FBXL18: variants seen among roughly 807,000 people sequenced by gnomAD.
FBXL18 encodes the protein F-box/LRR-repeat protein 18.
FBXL18 carries 36 observed loss-of-function variants against 46.0 expected under a neutral mutation model. The ratio of observed to expected loss-of-function variants is 0.78; its 90% confidence interval spans 0.60 to 1.03. The LOEUF (loss-of-function observed/expected upper bound fraction) is 1.03. Among genes scored for constraint, FBXL18 ranks in the 50% least tolerant of loss-of-function variants. FBXL18 has a pLI of 0.00. For missense variants in FBXL18, 977 were observed against 1,004.1 expected (o/e 0.97, Z 0.36); for synonymous variants, 557 against 465.3 (o/e 1.20, Z -2.54).
intron 1 of FBXL18, among the ~76,000 whole-genome samples, chr7:5,508,901 C>G (rs1461800321): frequency 3.9e-5 from 6 of 152,108 alleles, no homozygotes; most frequent in Non-Finnish European, 7.4e-5. Flanking sequence ...AACTCCAGCA[C>G]TGGGCCAGAC....
chr7:5,501,503 C>A lies in FBXL18; in HGVS notation c.766G>T (p.Asp256Tyr). The A allele has an allele frequency of 6.2e-7, 1 of 1,613,790 alleles. No homozygotes were observed. The highest frequency in any genetic ancestry group is 1.1e-5 in the South Asian group (1 of 91,044). The change falls in exon 3 of 5, where the codon GAC (aspartate) becomes TAC (tyrosine). Residue 256 changes from aspartate to tyrosine, a missense_variant. By Grantham distance (160) the Asp-to-Tyr change is radical. Transcript: ENST00000382368. ...GCGTGGAGGTTCTGAGGAGTGCGGT[C>A]GCTAAGCACAGCCAGGTAGAGCCGC... ...VVRLYLAVLS[D>Y]RTPQNLHAFL... is the part of the protein sequence containing the mutation.
intron 4 of FBXL18, among the ~76,000 whole-genome samples, chr7:5,461,246 A>G (rs772204740): frequency 1.3e-5 from 2 of 152,162 alleles, no homozygotes; most frequent in African/African-American, 2.4e-5. Flanking sequence ...TGGGCACTGC[A>G]CTGGGCACTT....
chr7:5,461,947 AAG>A (rs1330573364), intron 4 of FBXL18, among the ~76,000 whole-genome samples: 3 of 151,860 alleles, frequency 2.0e-5, no homozygotes, highest in African/African-American at 7.3e-5. Flanking sequence ...TCTCAAAAGA[AAG>A]AAAAAAAAGA....
intron 4 of FBXL18, among the ~76,000 whole-genome samples, chr7:5,463,741 T>TTTTTTA (rs1783298596): frequency 8.7e-5 from 4 of 46,204 alleles, no homozygotes; most frequent in Non-Finnish European, 1.5e-4. Flanking sequence ...TTTTTTTTTT[T>TTTTTTA]TTTTTTTTTT....
intron 4 of FBXL18, among the ~76,000 whole-genome samples, chr7:5,490,730 C>T (rs867696784): frequency 6.8e-4 from 104 of 152,252 alleles, no homozygotes; most frequent in African/African-American, 7.7e-4. Context: ...TTTGGGAGGC[C>T]GAGGCAGGCG....
intron 4 of FBXL18, among the ~76,000 whole-genome samples, chr7:5,463,333 C>T (rs4454205): frequency 0.64 from 97,139 of 151,674 alleles, 32,134 homozygotes; most frequent in East Asian, 0.9. Context: ...AGAATTTGGC[C>T]ATGAGGGCTG....
At chr7:5,508,703 G>A (rs1784454816) in intron 1 of FBXL18, among the ~76,000 whole-genome samples, 1 of 152,028 alleles carries the variant, frequency 6.6e-6, no homozygotes, top group Admixed American at 6.6e-5. Context: ...CCCAAATCAG[G>A]GACAACCTTT....
At chr7:5,472,897 C>A (rs142514483), downstream of FBXL18, among the ~76,000 whole-genome samples, 37 of 152,290 alleles carry the variant, frequency 2.4e-4, no homozygotes, top group African/African-American at 8.9e-4. Flanking sequence ...CTGGCTATTG[C>A]TCAGCCTTGG....
intron 4 of FBXL18, among the ~76,000 whole-genome samples, chr7:5,484,268 C>A (rs549996341): frequency 1.3e-5 from 2 of 152,148 alleles, no homozygotes; most frequent in Admixed American, 1.3e-4. Context: ...GAGATCAAGA[C>A]CATCCTGGCT....
Position 5,501,668 on chromosome 7 carries a change from A to G in FBXL18, c.601T>C (p.Phe201Leu). The G allele has an allele frequency of 1.2e-6, 2 of 1,610,014 alleles. No homozygotes were observed. Among genetic ancestry groups the G allele is most frequent in the Non-Finnish European group, 1.7e-6 (2 of 1,177,918 alleles). The change falls in exon 3 of 5, where the codon TTC (phenylalanine) becomes CTC (leucine). Residue 201 changes from phenylalanine (F) to leucine (L), a missense_variant. Coordinates refer to ENST00000382368, the MANE Select transcript of FBXL18 (RefSeq NM_024963.6). ...TCGCGCGTGCGGTCCAGAATCTCGA[A>G]GTAGAGCAGCAGCTTCTCTAGGCTG... is the stretch of plus-strand genomic sequence containing the variant. The part of the protein sequence containing the change: ...CTSLEKLLLY[F>L]EILDRTREGA...
Position 5,505,547 on chromosome 7 carries a change from C to T in FBXL18, c.102G>A (p.Glu34=). The T allele has an allele frequency of 6.2e-7, 1 of 1,614,116 alleles. No individual in the cohort carries two copies. The highest frequency in any genetic ancestry group is 1.7e-5 in the Admixed American group (1 of 59,986). Reference sequence around the variant, plus strand: ...CGTGACTCAGGATGTGAAGGAGGATCTCATCAGAGAACCCTAGGAGGTGGA... The same window carrying T: ...CGTGACTCAGGATGTGAAGGAGGATTTCATCAGAGAACCCTAGGAGGTGGA... ...DGVHLLGFSD[E]ILLHILSHVP... Residue 34 remains glutamate (E), a synonymous_variant, in exon 2 of 5, where the codon GAG becomes GAA. Coordinates refer to ENST00000382368, the MANE Select transcript of FBXL18 (RefSeq NM_024963.6).
At chr7:5,471,223 C>G (rs1001989322), downstream of FBXL18, among the ~76,000 whole-genome samples, 1 of 152,196 alleles carries the variant, frequency 6.6e-6, no homozygotes, top group Non-Finnish European at 1.5e-5. Flanking sequence ...CAAAGCCTCT[C>G]GAGCTGGCTC....
rs1783166255 is a variant in FBXL18 at position 5,455,900 on chromosome 7, T to C, written c.2001-8057A>G. Among the ~76,000 whole-genome samples the C allele has an allele frequency of 6.6e-6, 1 of 152,028 alleles. No homozygotes were observed. The highest frequency in any genetic ancestry group is 2.4e-5 in the African/African-American group (1 of 41,370). ...TGGCCATCTCTGCCCCATGCGGGAC[T>C]CTCTCATGGGCCGTGCTGGCTCCAG... On this transcript the variant is annotated intron_variant and NMD_transcript_variant, in intron 4 of 6. Coordinates refer to the FBXL18 transcript ENST00000415009. This position sits in a 1 kb window ranked among gnomAD's most constrained non-coding sequence, Gnocchi z 4.6.
chr7:5,486,657 AAAAGAAAAAG>A (rs946112169), intron 4 of FBXL18, among the ~76,000 whole-genome samples: 6 of 152,276 alleles, frequency 3.9e-5, no homozygotes, highest in South Asian at 2.1e-4. Context: ...TGTCTCTAAA[AAAAGAAAAAG>A]AAAGAAAAAG....
At position 5,501,071 on chromosome 7, in the gene FBXL18, C is replaced by T; in HGVS notation, c.1198G>A (p.Gly400Ser). ...LSAAHHHSSEGLGRHLCQLLA... is the reference protein window; with the variant it reads ...LSAAHHHSSESLGRHLCQLLA... ...AGCTGGCAGAGGTGGCGGCCCAGGC[C>T]CTCCGAGCTGTGGTGGTGGGCGGCC... The change falls in exon 3 of 5, where the codon GGC (glycine) becomes AGC (serine). Residue 400 changes from glycine to serine, a missense_variant. Physicochemically the swap from Gly to Ser is moderately conservative, Grantham distance 56. Coordinates refer to ENST00000382368, the MANE Select transcript of FBXL18 (RefSeq NM_024963.6). The T allele has an allele frequency of 6.2e-7, 1 of 1,610,972 alleles. No homozygotes were observed.
chr7:5,469,780 G>C (rs1296428965), intron 4 of FBXL18, among the ~76,000 whole-genome samples: 1 of 151,994 alleles, frequency 6.6e-6, no homozygotes, highest in Non-Finnish European at 1.5e-5. Context: ...GACTCAGGCG[G>C]TGTTTGTGGA....
At chr7:5,460,324 T>G (rs1222674498) in intron 4 of FBXL18, among the ~76,000 whole-genome samples, 1 of 152,180 alleles carries the variant, frequency 6.6e-6, no homozygotes. Context: ...TTAGACATTG[T>G]GAAATTTAAT....
rs973161098 is a variant in FBXL18 at position 5,455,663 on chromosome 7, G to A, written c.2001-7820C>T. ...TTGCTGACCATCCACTTCCCCGCAG[G>A]GGGGCTCAAACCCAGGCTGTGAATT... On this transcript the variant is annotated intron_variant and NMD_transcript_variant, in intron 4 of 6. Coordinates refer to the FBXL18 transcript ENST00000415009. The surrounding 1 kb of genome is among the most constrained non-coding windows in gnomAD (Gnocchi z 4.6). 3.9e-5 allele frequency among the ~76,000 whole-genome samples: 6 copies of A among 152,060 alleles called. No individual in the cohort carries two copies. The highest frequency in any genetic ancestry group is 1.9e-4 in the East Asian group (1 of 5,190).
chr7:5,462,825 C>T (rs1005115143), intron 4 of FBXL18, among the ~76,000 whole-genome samples: 37 of 149,750 alleles, frequency 2.5e-4, no homozygotes, highest in African/African-American at 8.8e-4. Flanking sequence ...GTGGCGGGCG[C>T]CTATAGTCCC....
Sources: gnomAD v4.1 joint callset for allele counts (sites outside exome capture counted in the v4.1 genomes callset) on GRCh38, gnomAD v4.1.1 for gene constraint, Gnocchi (gnomAD v3.1) non-coding constraint, MANE v1.5 for transcripts, NCBI Gene and HGNC (gene_info 2026-07-23, HGNC 2026-07-21) for gene names.